Variants in ZNF385D observed in about 807,000 individuals in gnomAD.
ZNF385D encodes the protein zinc finger protein 385D.
Under a neutral mutation model 35.8 loss-of-function variants are expected in ZNF385D, and 15 were observed. The observed-to-expected ratio is 0.42, with a 90% CI of 0.28 to 0.64. The LOEUF is 0.64. Among genes scored for constraint, ZNF385D ranks in the 30% least tolerant of loss-of-function variants. The pLI, the probability that ZNF385D is intolerant of heterozygous loss-of-function variation, is 0.23. For missense variants in ZNF385D, 474 were observed against 494.6 expected (o/e 0.96, Z 0.39); for synonymous variants, 212 against 186.8 (o/e 1.13, Z -1.10).
intron 3 of ZNF385D, among the ~76,000 whole-genome samples, chr3:22,140,551 T>C (rs1452866914): frequency 1.3e-5 from 2 of 152,298 alleles, no homozygotes; most frequent in African/African-American, 4.8e-5. Context: ...TAAAAGCTAG[T>C]ACAATCCAAA....
In ZNF385D at chr3:22,208,626, T is replaced by G. The variant is rs1307570113; in HGVS notation, c.107-39591A>C. On this transcript the variant is annotated intron_variant, in intron 2 of 5. Transcript: ENST00000494108. ...GTAATGAATACCTCATTTCCCCTCA[T>G]GTGATTATTACACATTATTTGCCCA... 2.0e-5 allele frequency among the ~76,000 whole-genome samples: 3 copies of G among 151,806 alleles called. No individual in the cohort carries two copies. The East Asian group carries it at 5.8e-4, about 29-fold the overall frequency.
At chr3:22,332,795 G>C (rs967918484) in intron 2 of ZNF385D, among the ~76,000 whole-genome samples, 1 of 152,046 alleles carries the variant, frequency 6.6e-6, no homozygotes, top group African/African-American at 2.4e-5. Flanking sequence ...ACTAATAATT[G>C]CTATGTTTCT....
rs370078943 is a variant in ZNF385D at position 21,425,505 on chromosome 3, G to A, written c.839C>T (p.Thr280Met). Residue 280 changes from threonine to methionine, a missense_variant, in exon 6 of 8, where the codon ACG becomes ATG. By Grantham distance (81) the Thr-to-Met change is moderately conservative (BLOSUM62 -1). Coordinates refer to ENST00000281523, the MANE Select transcript of ZNF385D (RefSeq NM_024697.3). ...CGTGCTGTTTACCTGTTTAAGTTGC[G>A]TTTCCGAGTTGACGTGCACATCACA... ...EICDVHVNSE[T>M]QLKQHISSRR... The A allele has an allele frequency of 1.9e-5, 30 of 1,598,354 alleles. No individual in the cohort carries two copies. Among genetic ancestry groups the A allele is most frequent in the South Asian group, 1.0e-4 (9 of 88,600 alleles).
intron 2 of ZNF385D, among the ~76,000 whole-genome samples, chr3:21,661,806 G>C (rs953217076): frequency 2.0e-5 from 3 of 152,096 alleles, no homozygotes; most frequent in Non-Finnish European, 4.4e-5. Context: ...ACTCAGCTCT[G>C]ATTCTACATC....
intron 3 of ZNF385D, among the ~76,000 whole-genome samples, chr3:21,538,773 G>A (rs1176999693): frequency 6.6e-6 from 1 of 152,044 alleles, no homozygotes; most frequent in Non-Finnish European, 1.5e-5. Flanking sequence ...GGGGGAAAGG[G>A]AAACTCTTCT....
intron 3 of ZNF385D, among the ~76,000 whole-genome samples, chr3:21,985,093 A>C: frequency 7.4e-6 from 1 of 135,164 alleles, no homozygotes; most frequent in East Asian, 2.3e-4. Context: ...TTCTAGATAA[A>C]CAATCATGTC....
chr3:21,657,870 G>C (rs1267668163), intron 2 of ZNF385D, among the ~76,000 whole-genome samples: 8 of 152,004 alleles, frequency 5.3e-5, no homozygotes, highest in Admixed American at 2.6e-4. Context: ...CTGAGGGAAA[G>C]AAGGCATTTC....
chr3:21,703,527 C>A (rs900946709), intron 1 of ZNF385D, among the ~76,000 whole-genome samples: 3 of 152,106 alleles, frequency 2.0e-5, no homozygotes, highest in Non-Finnish European at 1.5e-5. Flanking sequence ...TTGTAAATAA[C>A]CCCTCTATTA....
chr3:22,059,267 AAAG>A (rs771037804), intron 3 of ZNF385D, among the ~76,000 whole-genome samples: 6 of 152,176 alleles, frequency 3.9e-5, no homozygotes, highest in African/African-American at 9.7e-5. Context: ...GAGAAAGGGA[AAAG>A]AAGAAGAAGA....
rs143903868 is a variant in ZNF385D, at chr3:21,425,519, G to A, written c.825C>T (p.His275=). The A allele has an allele frequency of 4.6e-4, 732 of 1,606,524 alleles. No individual in the cohort carries two copies. The highest frequency in any genetic ancestry group is 5.7e-4 in the Non-Finnish European group (675 of 1,176,140). ...GTTTAAGTTGCGTTTCCGAGTTGAC[G>A]TGCACATCACAGATTTCACAGTGAA... The part of the protein sequence containing the change: ...KTFHCEICDV[H]VNSETQLKQH... The change falls in exon 6 of 8, where the codon CAC becomes CAT. Residue 275 remains histidine, a synonymous_variant. Coordinates refer to ENST00000281523, the MANE Select transcript of ZNF385D (RefSeq NM_024697.3).
At chr3:21,727,517 C>T (rs1446858136) in intron 1 of ZNF385D, among the ~76,000 whole-genome samples, 1 of 152,136 alleles carries the variant, frequency 6.6e-6, no homozygotes, top group Non-Finnish European at 1.5e-5. Flanking sequence ...AGGATATGAA[C>T]AGACACTTCT....
At chr3:21,492,776 AAAATAAATAAATAAAT>A (rs60627008) in intron 4 of ZNF385D, among the ~76,000 whole-genome samples, 1 of 140,986 alleles carries the variant, frequency 7.1e-6, no homozygotes, top group South Asian at 2.3e-4. Flanking sequence ...CTCTGTTTCA[AAAATAAATAAATAAAT>A]AAATAAATAA....
At chr3:21,551,782 C>G (rs540585037) in intron 3 of ZNF385D, among the ~76,000 whole-genome samples, 1 of 152,014 alleles carries the variant, frequency 6.6e-6, no homozygotes, top group Admixed American at 6.6e-5. Context: ...AAAAGGTAAT[C>G]TGATTAAAAA....
At chr3:21,422,245 T>C (rs1700775028) in intron 7 of ZNF385D, among the ~76,000 whole-genome samples, 1 of 152,252 alleles carries the variant, frequency 6.6e-6, no homozygotes, top group Non-Finnish European at 1.5e-5. Flanking sequence ...GCATCTGTGC[T>C]GGACAGAGAT....
intron 2 of ZNF385D, among the ~76,000 whole-genome samples, chr3:22,301,497 GTATA>G (rs753232986): frequency 1.3e-4 from 19 of 151,900 alleles, no homozygotes; most frequent in Non-Finnish European, 2.8e-4. Context: ...ATTCCCTAAT[GTATA>G]TATATTTCAA....
At chr3:21,488,775 A>G (rs996215780) in intron 4 of ZNF385D, among the ~76,000 whole-genome samples, 5 of 151,990 alleles carry the variant, frequency 3.3e-5, no homozygotes, top group Admixed American at 2.6e-4. Flanking sequence ...AGTCTTGGCT[A>G]TTTTTTTCTT....
At chr3:21,486,704 C>T (rs76285047) in intron 4 of ZNF385D, among the ~76,000 whole-genome samples, 13 of 152,138 alleles carry the variant, frequency 8.5e-5, no homozygotes, top group Admixed American at 2.6e-4. Context: ...ACATCTAGTA[C>T]GACCACAATC....
chr3:21,757,950 C>T (rs1300313975), intron 3 of ZNF385D, among the ~76,000 whole-genome samples: 3 of 152,176 alleles, frequency 2.0e-5, no homozygotes, highest in Non-Finnish European at 4.4e-5. Context: ...AAGTCTTCTA[C>T]CTCTGGATGG....
chr3:22,097,421 T>C (rs1273025136), intron 3 of ZNF385D, among the ~76,000 whole-genome samples: 7 of 151,924 alleles, frequency 4.6e-5, no homozygotes, highest in Non-Finnish European at 8.8e-5. Flanking sequence ...AAAGAGGTTA[T>C]TGGCTAGGTC....
Sources: allele counts gnomAD v4.1 joint callset (sites outside exome capture counted in the v4.1 genomes callset), GRCh38; gene constraint gnomAD v4.1.1; transcripts MANE v1.5; gene names NCBI Gene and HGNC (gene_info 2026-07-23, HGNC 2026-07-21).